SLC6A16: variants seen among roughly 807,000 people sequenced by gnomAD.
SLC6A16 encodes solute carrier family 6 member 16.
SLC6A16 carries 54 observed loss-of-function variants against 65.4 expected under a neutral mutation model. The observed-to-expected ratio is 0.83, with a 90% CI of 0.66 to 1.04. SLC6A16 has a LOEUF of 1.04. Among genes scored for constraint, SLC6A16 ranks in the 50% least tolerant of loss-of-function variants. The pLI is 0.00. For missense variants in SLC6A16, 816 were observed against 914.0 expected (o/e 0.89, Z 1.38); for synonymous variants, 330 against 346.5 (o/e 0.95, Z 0.53).
the SLC6A16 span, chr19:49,339,878 G>C: frequency 7.4e-7 from 1 of 1,342,362 alleles, no homozygotes; most frequent in Non-Finnish European, 9.6e-7. The surrounding 1 kb of genome is among the most constrained non-coding windows in gnomAD (Gnocchi z 4.5). Flanking sequence ...ATGGCCCTGG[G>C]GCTCTGGCCG....
intron 1 of SLC6A16, chr19:49,312,635 G>A: frequency 1.1e-6 from 1 of 891,288 alleles, no homozygotes; most frequent in Non-Finnish European, 1.3e-6. Flanking sequence ...TTACATGAAA[G>A]AGAGGAAGAG....
At chr19:49,335,384 G>C in the SLC6A16 span, 1 of 653,432 alleles carries the variant, frequency 1.5e-6, no homozygotes, top group Non-Finnish European at 2.7e-6. The surrounding 1 kb of genome is among the most constrained non-coding windows in gnomAD (Gnocchi z 4.6). Context: ...GGGAGTGGGT[G>C]GAGCCCCACC....
chr19:49,303,988 T>C (rs1187237005), intron 7 of SLC6A16, among the ~76,000 whole-genome samples: 4 of 152,218 alleles, frequency 2.6e-5, no homozygotes, highest in Non-Finnish European at 1.5e-5. Context: ...CAAATGTCCC[T>C]TGTTGCTCAA....
Position 49,293,865 on chromosome 19 carries a change from G to A in SLC6A16, c.1580C>T (p.Thr527Ile). The A allele has an allele frequency of 1.2e-6, 2 of 1,614,088 alleles. No homozygotes were observed. Among genetic ancestry groups the A allele is most frequent in the East Asian group, 2.2e-5 (1 of 44,868 alleles). The change falls in exon 9 of 12, where the codon ACC becomes ATC. Residue 527 changes from threonine (T) to isoleucine (I), a missense_variant. Coordinates refer to ENST00000335875, the MANE Select transcript of SLC6A16 (RefSeq NM_014037.3). ...MQGIITPLQD[T>I]FSFFRKHTKL... Reference sequence around the variant, plus strand: ...TGTATGTTTCCTGAAGAAAGAGAAGGTGTCCTGGAGTGGAGTAATGATGCC... The same window carrying A: ...TGTATGTTTCCTGAAGAAAGAGAAGATGTCCTGGAGTGGAGTAATGATGCC...
rs1285239964 is a variant in SLC6A16, at chr19:49,309,822, A to C, written c.705T>G (p.Pro235=). 6.2e-7 allele frequency: 1 copy of C among 1,608,568 alleles called. No homozygotes were observed. Among genetic ancestry groups the C allele is most frequent in the Non-Finnish European group, 8.5e-7 (1 of 1,175,618 alleles). ...TGGAGGGTGTTGTCCGTTCACATTC[A>C]GGATCTGGGGGGACCTGGCTTTAGA... ...PLTMNSSGFD[P]ECERTTPSIY... Residue 235 remains proline (P), a synonymous_variant, in exon 5 of 12, where the codon CCT becomes CCG. Coordinates refer to ENST00000335875, the MANE Select transcript of SLC6A16 (RefSeq NM_014037.3).
At chr19:49,335,598 CTCT>C in the SLC6A16 span, 15 of 1,613,450 alleles carry the variant, frequency 9.3e-6, no homozygotes, top group Admixed American at 5.0e-5. The surrounding 1 kb of genome is among the most constrained non-coding windows in gnomAD (Gnocchi z 4.6). Flanking sequence ...CGTTTTCAAC[CTCT>C]TCTTCTTCGT....
At position 49,290,367 on chromosome 19, in the gene SLC6A16, G is replaced by T. The variant is rs370870774; in HGVS notation, c.1967C>A (p.Pro656Gln). Reference protein sequence around the residue: ...STSKEVLRPYPPWALLLMITL... With the variant: ...STSKEVLRPYQPWALLLMITL... ...GATCATCAAGAGCAGTGCCCACGGT[G>T]GGTATGGTCGAAGCACCTCTTTTGA... The change falls in exon 12 of 12, where the codon CCA (proline) becomes CAA (glutamine). Residue 656 changes from proline (P) to glutamine (Q), a missense_variant. Coordinates refer to ENST00000335875, the MANE Select transcript of SLC6A16 (RefSeq NM_014037.3). 4 of 1,613,538 alleles carry T rather than the reference G, an allele frequency of 2.5e-6. No homozygotes were observed. The highest frequency in any genetic ancestry group is 3.4e-6 in the Non-Finnish European group (4 of 1,179,776).
chr19:49,313,072 CAAAAAAA>C (rs5828385), intron 1 of SLC6A16, among the ~76,000 whole-genome samples: 3 of 95,806 alleles, frequency 3.1e-5, no homozygotes, highest in Admixed American at 1.1e-4. Flanking sequence ...AACCCTGTCT[CAAAAAAA>C]AAAAAAAAAA....
At chr19:49,304,400 T>C (rs940749938) in intron 7 of SLC6A16, among the ~76,000 whole-genome samples, 1 of 152,226 alleles carries the variant, frequency 6.6e-6, no homozygotes, top group Non-Finnish European at 1.5e-5. Flanking sequence ...GTGTCACCCT[T>C]GTTATCGATC....
intron 1 of SLC6A16, among the ~76,000 whole-genome samples, chr19:49,321,400 A>C (rs1233373158): frequency 6.6e-6 from 1 of 151,982 alleles, no homozygotes; most frequent in Non-Finnish European, 1.5e-5. Flanking sequence ...TGTAATCCCA[A>C]CACTTTGGGA....
chr19:49,293,414 A>T (rs1243304264), intron 9 of SLC6A16, 32 bp from the exon 10 acceptor site: 1 of 1,611,338 alleles, frequency 6.2e-7, no homozygotes, highest in South Asian at 1.1e-5. Context: ...GATCAAGGTT[A>T]GAAGTCACGG....
chr19:49,310,398 C>A lies in SLC6A16; in HGVS notation c.528G>T (p.Lys176Asn). 4 of 1,614,134 alleles carry A rather than the reference C, an allele frequency of 2.5e-6. No homozygotes were observed. Among genetic ancestry groups the A allele is most frequent in the Non-Finnish European group, 3.4e-6 (4 of 1,180,004 alleles). The change falls in exon 3 of 12, where the codon AAG becomes AAT. Residue 176 changes from lysine (K) to asparagine (N), a missense_variant. Transcript: ENST00000335875. Reference sequence around the variant, plus strand: ...CACCACCAATCCAGGGGGCAATGATCTTCCATACACCCATGCCACCCTGAC... The same window carrying A: ...CACCACCAATCCAGGGGGCAATGATATTCCATACACCCATGCCACCCTGAC... ...SMRQGGMGVW[K>N]IIAPWIGGVG...
chr19:49,315,276 T>C (rs1052429298), intron 1 of SLC6A16, among the ~76,000 whole-genome samples: 4 of 152,056 alleles, frequency 2.6e-5, no homozygotes, highest in Admixed American at 2.6e-4. Flanking sequence ...ATAAAAACAA[T>C]CACTTGCCAA....
chr19:49,290,499 T>A, intron 11 of SLC6A16, 106 bp downstream of exon 11: 1 of 1,556,844 alleles, frequency 6.4e-7, no homozygotes, highest in Non-Finnish European at 8.8e-7. Context: ...AACCCATGAG[T>A]CTTCGGGCAG....
rs1403494055 is a variant in SLC6A16 at position 49,292,656 on chromosome 19, C to G, written c.1778+567G>C. Among the ~76,000 whole-genome samples, 1 of 152,166 alleles carries G rather than the reference C, an allele frequency of 6.6e-6. No homozygotes were observed. Among genetic ancestry groups the G allele is most frequent in the Non-Finnish European group, 1.5e-5 (1 of 68,036 alleles). ...CTCCTAATATCTTCTATTCCAGCCT[C>G]TCTGACTTCCTTGTTTCTCAAAAAC... On this transcript the variant is annotated intron_variant, in intron 10 of 11. Coordinates refer to ENST00000335875, the MANE Select transcript of SLC6A16 (RefSeq NM_014037.3). This position sits in a 1 kb window ranked among gnomAD's most constrained non-coding sequence, Gnocchi z 4.3.
chr19:49,299,750 T>C (rs181591253), intron 7 of SLC6A16, among the ~76,000 whole-genome samples: 29 of 151,692 alleles, frequency 1.9e-4, no homozygotes, highest in African/African-American at 6.0e-4. Context: ...AGGCTGGGCA[T>C]GGTGGCTCAC....
At chr19:49,290,789 G>A (rs1208828366) in intron 10 of SLC6A16, 22 bp from the exon 11 acceptor site, 9 of 1,591,154 alleles carry the variant, frequency 5.7e-6, no homozygotes, top group Non-Finnish European at 7.7e-6. Flanking sequence ...CCACCAGAGT[G>A]TGGGATGCCC....
chr19:49,312,091 A>T (rs1357456848), intron 1 of SLC6A16, among the ~76,000 whole-genome samples: 1 of 151,916 alleles, frequency 6.6e-6, no homozygotes, highest in African/African-American at 2.4e-5. Context: ...TCCTGACCTC[A>T]AGTGATCCGC....
At chr19:49,296,513 G>A (rs1322260509) in intron 7 of SLC6A16, among the ~76,000 whole-genome samples, 3 of 152,094 alleles carry the variant, frequency 2.0e-5, no homozygotes, top group African/African-American at 4.8e-5. Context: ...AATTGTCAAC[G>A]AAGATACCAA....
Sources: gnomAD v4.1 joint callset for allele counts (sites outside exome capture counted in the v4.1 genomes callset) on GRCh38, gnomAD v4.1.1 for gene constraint, Gnocchi (gnomAD v3.1) non-coding constraint, MANE v1.5 for transcripts, NCBI Gene and HGNC (gene_info 2026-07-23, HGNC 2026-07-21) for gene names.